POLR3B: variants seen among roughly 807,000 people sequenced by gnomAD.
POLR3B encodes the protein DNA-directed RNA polymerase III subunit RPC2.
POLR3B carries 96 observed loss-of-function variants against 147.4 expected under a neutral mutation model. The ratio of observed to expected loss-of-function variants is 0.65; its 90% CI spans 0.55 to 0.77. The LOEUF (loss-of-function observed/expected upper bound fraction) is 0.77, where lower values mean the gene tolerates loss of function less well. Ranked by LOEUF, POLR3B falls within the 30% of genes least tolerant of loss-of-function variation. The pLI is 0.00. For synonymous variants in POLR3B, 461 were observed against 485.9 expected, an observed-to-expected ratio of 0.95 and a Z score of 0.67; for missense variants, 1,036 against 1,413.5, an observed-to-expected ratio of 0.73 and a Z score of 4.28.
chr12:106,369,168 A>G (rs545144571), intron 4 of POLR3B, 107 bp from the exon 5 acceptor site: 1 of 770,496 alleles, frequency 1.3e-6, no homozygotes, highest in South Asian at 1.4e-5. Context: ...CCTTACCAAG[A>G]TAAGCATTTA....
chr12:106,417,677 G>A (rs2037323077), intron 12 of POLR3B, among the ~76,000 whole-genome samples: 1 of 152,134 alleles, frequency 6.6e-6, no homozygotes, highest in Admixed American at 6.5e-5. Flanking sequence ...GGACTACTGA[G>A]GAAGCTCTGT....
chr12:106,369,469 A>G, intron 5 of POLR3B, 114 bp from the exon 6 acceptor site: 10 of 954,164 alleles, frequency 1.0e-5, no homozygotes, highest in Non-Finnish European at 1.4e-5. Context: ...TTGGAGAAAA[A>G]GGGATTAAAG....
intron 9 of POLR3B, among the ~76,000 whole-genome samples, chr12:106,389,944 C>G (rs546376897): frequency 6.6e-6 from 1 of 152,132 alleles, no homozygotes; most frequent in Non-Finnish European, 1.5e-5. Flanking sequence ...TTTGGCCAGG[C>G]GTGGTGACTT....
chr12:106,417,809 C>G (rs2037325941), intron 12 of POLR3B, among the ~76,000 whole-genome samples: 1 of 151,504 alleles, frequency 6.6e-6, no homozygotes, highest in Non-Finnish European at 1.5e-5. Flanking sequence ...TTCGGAAAAA[C>G]CATGGTGTTA....
intron 26 of POLR3B, among the ~76,000 whole-genome samples, chr12:106,503,355 A>T (rs562109360): frequency 2.8e-4 from 42 of 152,220 alleles, no homozygotes; most frequent in Non-Finnish European, 5.0e-4. Flanking sequence ...AGATTAAAAG[A>T]TGCTATGGAA....
intron 23 of POLR3B, among the ~76,000 whole-genome samples, chr12:106,484,476 C>T (rs890837618): frequency 6.6e-6 from 1 of 151,120 alleles, no homozygotes; most frequent in Admixed American, 6.6e-5. Context: ...AGGAAACAGA[C>T]AAAAAAGAAG....
Position 106,376,357 on chromosome 12 carries a change from A to G in POLR3B, c.405-2A>G, listed in dbSNP as rs1195435632. 1 of 1,604,300 alleles carries G rather than the reference A, an allele frequency of 6.2e-7. No homozygotes were observed. The highest frequency in any genetic ancestry group is 8.5e-7 in the Non-Finnish European group (1 of 1,172,490). ...TATTTTCTTTTGTTTTATTTTATAC[A>G]GAATGCCCATAATGCTACGTAGTTC... On this transcript the variant is annotated splice_acceptor_variant, in intron 6 of 27. Transcript: ENST00000228347. LOFTEE classifies it high-confidence loss of function.
At chr12:106,358,786 A>C (rs549514155) in intron 1 of POLR3B, among the ~76,000 whole-genome samples, 11 of 152,324 alleles carry the variant, frequency 7.2e-5, no homozygotes, top group African/African-American at 2.6e-4. Context: ...ATAGAGGAGA[A>C]GAGATAAAAG....
At chr12:106,482,694 G>A (rs938437624) in intron 23 of POLR3B, among the ~76,000 whole-genome samples, 1 of 152,120 alleles carries the variant, frequency 6.6e-6, no homozygotes, top group East Asian at 1.9e-4. Context: ...TATCACTTAG[G>A]TAAGTATATT....
Position 106,358,047 on chromosome 12 carries a change from G to A in POLR3B, c.72+96G>A, listed in dbSNP as rs1423206323. ...GGGCCGCCAAGGGGGCGGGCTGGCG[G>A]TTTGTGCGCATGCGCCGGGCTTCTG... On this transcript the variant is annotated intron_variant, in intron 1 of 27. Coordinates refer to ENST00000228347, the MANE Select transcript of POLR3B (RefSeq NM_018082.6). The A allele has an allele frequency of 4.5e-6, 7 of 1,563,714 alleles. No homozygotes were observed. In the African/African-American group the frequency reaches 8.1e-5, roughly 18 times the overall value.
intron 10 of POLR3B, among the ~76,000 whole-genome samples, chr12:106,393,684 C>G (rs2036944795): frequency 6.6e-6 from 1 of 151,612 alleles, no homozygotes; most frequent in Admixed American, 6.6e-5. Flanking sequence ...TTTACTGCTG[C>G]AGAGCCTTCA....
At chr12:106,479,082 C>T (rs1270111722) in intron 23 of POLR3B, among the ~76,000 whole-genome samples, 1 of 151,966 alleles carries the variant, frequency 6.6e-6, no homozygotes, top group Non-Finnish European at 1.5e-5. Context: ...TCTTTCATTC[C>T]TTGTGCTGGG....
At chr12:106,499,548 A>T (rs943978322) in intron 25 of POLR3B, among the ~76,000 whole-genome samples, 1 of 152,336 alleles carries the variant, frequency 6.6e-6, no homozygotes, top group Middle Eastern at 3.4e-3. Context: ...GAAAAATTGC[A>T]TATAGCTTTA....
intron 1 of POLR3B, among the ~76,000 whole-genome samples, chr12:106,363,357 A>G (rs1452358154): frequency 6.6e-6 from 1 of 152,150 alleles, no homozygotes; most frequent in African/African-American, 2.4e-5. Context: ...CTATTCCTAC[A>G]ATGTTCCTCG....
Position 106,474,616 on chromosome 12 carries a change from G to T in POLR3B, c.2713+10996G>T, listed in dbSNP as rs878877863. Among the ~76,000 whole-genome samples, 7 of 148,068 alleles carry T rather than the reference G, an allele frequency of 4.7e-5. No individual in the cohort carries two copies. In the South Asian group the frequency reaches 1.1e-3, roughly 23 times the overall value. On this transcript the variant is annotated intron_variant, in intron 23 of 27. Transcript: ENST00000228347. ...TGGGAGAGTGTAGGTGTCGAGGAAT[G>T]TATCCATTTCTTCTAGATTTTCTAG... is the stretch of plus-strand genomic sequence containing the variant.
At chr12:106,457,769 A>C (rs1243123090) in intron 21 of POLR3B, among the ~76,000 whole-genome samples, 1 of 152,218 alleles carries the variant, frequency 6.6e-6, no homozygotes, top group Non-Finnish European at 1.5e-5. Flanking sequence ...TCAGAGGATC[A>C]TGCATAAATC....
chr12:106,440,995 T>C (rs1375242425), intron 18 of POLR3B, among the ~76,000 whole-genome samples: 10 of 152,188 alleles, frequency 6.6e-5, no homozygotes, highest in Admixed American at 6.5e-4. Context: ...TAGAAATGCA[T>C]GAAGTACAAA....
chr12:106,487,830 G>A (rs1283903638), intron 23 of POLR3B, among the ~76,000 whole-genome samples: 1 of 152,212 alleles, frequency 6.6e-6, no homozygotes, highest in Non-Finnish European at 1.5e-5. Flanking sequence ...TCATGGAGAA[G>A]ACTGAAGGGG....
chr12:106,457,736 CTAG>C (rs1475226902), intron 21 of POLR3B, among the ~76,000 whole-genome samples: 1 of 152,170 alleles, frequency 6.6e-6, no homozygotes, highest in East Asian at 1.9e-4. Flanking sequence ...GTCTCACAGG[CTAG>C]TGCAGGAGAC....
Sources: allele counts gnomAD v4.1 joint callset (sites outside exome capture counted in the v4.1 genomes callset), GRCh38; gene constraint gnomAD v4.1.1; transcripts MANE v1.5; gene names NCBI Gene and HGNC (gene_info 2026-07-23, HGNC 2026-07-21).